The following RFX3 variants were observed in gnomAD, a reference collection of about 807,000 sequenced individuals.
RFX3 encodes transcription factor RFX3.
RFX3 carries 14 observed loss-of-function variants against 98.6 expected under a neutral mutation model. The observed-to-expected ratio is 0.14, with a 90% CI of 0.09 to 0.22. The LOEUF is 0.22. Ranked by LOEUF, RFX3 falls within the 10% of genes least tolerant of loss-of-function variation. RFX3 has a pLI of 1.00. For synonymous variants in RFX3, 383 were observed against 328.4 expected, an observed-to-expected ratio of 1.17 and a Z score of -1.80; for missense variants, 639 against 926.9, an observed-to-expected ratio of 0.69 and a Z score of 4.03.
chr9:3,369,973 C>CAT (rs1837633621), intron 2 of RFX3, among the ~76,000 whole-genome samples: 1 of 149,866 alleles, frequency 6.7e-6, no homozygotes, highest in Admixed American at 6.6e-5. Context: ...GGACTACAGG[C>CAT]GCCCGCCACT....
intron 1 of RFX3, among the ~76,000 whole-genome samples, chr9:3,508,658 C>G (rs923190608): frequency 2.0e-5 from 3 of 151,926 alleles, no homozygotes; most frequent in Non-Finnish European, 4.4e-5. Context: ...AACAGTTTTA[C>G]AAGAAGGTTT....
At chr9:3,410,395 T>A (rs1274016497) in intron 1 of RFX3, among the ~76,000 whole-genome samples, 1 of 152,036 alleles carries the variant, frequency 6.6e-6, no homozygotes, top group Non-Finnish European at 1.5e-5. Flanking sequence ...TATTACATCA[T>A]CTCTGGATGC....
At position 3,295,806 on chromosome 9, in the gene RFX3, T is replaced by C. The variant is rs532750343; in HGVS notation, c.550-2548A>G. ...TAGAAAAATCTTCATTTAAAGGGCA[T>C]TTTTTTAAAGAAATGGAATTAGTCA... On this transcript the variant is annotated intron_variant, in intron 5 of 16. Coordinates refer to ENST00000617270, the MANE Select transcript of RFX3 (RefSeq NM_001282116.2). Among the ~76,000 whole-genome samples the C allele has an allele frequency of 5.9e-5, 9 of 152,098 alleles. No homozygotes were observed. In the South Asian group the frequency reaches 6.2e-4, roughly 11 times the overall value.
intron 15 of RFX3, among the ~76,000 whole-genome samples, chr9:3,234,720 T>C (rs1818909424): frequency 6.6e-6 from 1 of 152,152 alleles, no homozygotes; most frequent in African/African-American, 2.4e-5. Flanking sequence ...AAACAGATGA[T>C]GAGCTGGATA....
intron 14 of RFX3, among the ~76,000 whole-genome samples, 183 bp from the exon 15 acceptor site, chr9:3,248,368 A>G (rs747216490): frequency 6.6e-6 from 1 of 152,220 alleles, no homozygotes; most frequent in Non-Finnish European, 1.5e-5. Context: ...AATGATAAAG[A>G]GGTAATCCTC....
chr9:3,254,298 T>A (rs1586753931), intron 14 of RFX3, among the ~76,000 whole-genome samples: 2 of 148,158 alleles, frequency 1.3e-5, no homozygotes, highest in East Asian at 2.0e-4. Context: ...CAACCACAGG[T>A]AGACGTAAGG....
intron 15 of RFX3, among the ~76,000 whole-genome samples, chr9:3,241,233 T>C (rs1173938577): frequency 6.6e-6 from 1 of 151,740 alleles, no homozygotes; most frequent in African/African-American, 2.4e-5. Context: ...TGTTTTTTTT[T>C]TTTTTGCCCA....
intron 2 of RFX3, among the ~76,000 whole-genome samples, chr9:3,382,902 A>G (rs929939012): frequency 2.0e-5 from 3 of 152,154 alleles, no homozygotes; most frequent in African/African-American, 7.2e-5. Flanking sequence ...CTTAGAATAT[A>G]TATGGCAAAG....
chr9:3,412,983 T>TA (rs961658335), intron 1 of RFX3, among the ~76,000 whole-genome samples: 10 of 152,124 alleles, frequency 6.6e-5, no homozygotes, highest in African/African-American at 2.4e-4. Context: ...ATATTGAGTC[T>TA]AAAAATCACA....
chr9:3,452,249 G>A (rs1012938037), intron 1 of RFX3: 4 of 183,254 alleles, frequency 2.2e-5, no homozygotes, highest in African/African-American at 9.9e-5. Context: ...ACAAGATCTG[G>A]CTCTTCTAGT....
chr9:3,267,165 G>A (rs76996857), intron 11 of RFX3, among the ~76,000 whole-genome samples: 2,607 of 152,090 alleles, frequency 0.017, 79 homozygotes, highest in African/African-American at 0.06. Context: ...AAGTAATCCA[G>A]TTAATAGTAT....
At chr9:3,401,859 G>C (rs369869178) in intron 1 of RFX3, among the ~76,000 whole-genome samples, 1 of 152,114 alleles carries the variant, frequency 6.6e-6, no homozygotes, top group Non-Finnish European at 1.5e-5. Flanking sequence ...TTGAAAGAAG[G>C]CTAATTAACC....
At chr9:3,303,612 T>C (rs1467087792) in intron 4 of RFX3, among the ~76,000 whole-genome samples, 2 of 151,744 alleles carry the variant, frequency 1.3e-5, no homozygotes, top group African/African-American at 4.8e-5. Context: ...TAATAAGCAC[T>C]TTTCAGTTGG....
At chr9:3,448,955 C>T (rs1269930224) in intron 1 of RFX3, among the ~76,000 whole-genome samples, 1 of 152,178 alleles carries the variant, frequency 6.6e-6, no homozygotes, top group Non-Finnish European at 1.5e-5. Context: ...AGAATTTGCA[C>T]CTATGCTACA....
chr9:3,276,624 G>C (rs977492059), intron 8 of RFX3, among the ~76,000 whole-genome samples: 1 of 152,008 alleles, frequency 6.6e-6, no homozygotes, highest in Non-Finnish European at 1.5e-5. Flanking sequence ...CAACCTGAGA[G>C]TCTATTTTAG....
intron 9 of RFX3, among the ~76,000 whole-genome samples, chr9:3,275,215 T>C (rs1825048063): frequency 6.6e-6 from 1 of 152,012 alleles, no homozygotes. Flanking sequence ...GATATAAATA[T>C]TTTTGTAGGA....
chr9:3,414,594 T>C (rs1842738591), intron 1 of RFX3, among the ~76,000 whole-genome samples: 1 of 148,552 alleles, frequency 6.7e-6, no homozygotes, highest in Non-Finnish European at 1.5e-5. Flanking sequence ...GTGGTATATA[T>C]ATATATGCTA....
At chr9:3,457,219 A>G (rs1349528219) in intron 1 of RFX3, among the ~76,000 whole-genome samples, 1 of 150,308 alleles carries the variant, frequency 6.7e-6, no homozygotes, top group Non-Finnish European at 1.5e-5. Context: ...ATCTTAAAAT[A>G]GGAGAATTCT....
chr9:3,332,319 C>T (rs898240307), intron 3 of RFX3, among the ~76,000 whole-genome samples: 1 of 152,142 alleles, frequency 6.6e-6, no homozygotes, highest in Non-Finnish European at 1.5e-5. Context: ...GTTTCATATA[C>T]ACCTTATACA....
Sources: allele counts gnomAD v4.1 joint callset (sites outside exome capture counted in the v4.1 genomes callset), GRCh38; gene constraint gnomAD v4.1.1; transcripts MANE v1.5; gene names NCBI Gene and HGNC (gene_info 2026-07-23, HGNC 2026-07-21).